PARP10: variants seen among roughly 807,000 people sequenced by gnomAD.
The protein encoded by PARP10 is protein mono-ADP-ribosyltransferase PARP10.
PARP10 carries 56 observed loss-of-function variants against 82.4 expected under a neutral mutation model. The ratio of observed to expected loss-of-function variants is 0.68; its 90% CI spans 0.55 to 0.85. The LOEUF is 0.85. PARP10 is among the 40% of genes least tolerant of loss of function. The pLI, the probability that PARP10 is intolerant of heterozygous loss-of-function variation, is 0.00. For missense variants in PARP10, 1,227 were observed against 1,379.4 expected (o/e 0.89, Z 1.75); for synonymous variants, 576 against 601.1 (o/e 0.96, Z 0.61).
intron 1 of PARP10, among the ~76,000 whole-genome samples, chr8:144,007,921 A>C (rs1554752185): frequency 6.6e-6 from 1 of 152,184 alleles, no homozygotes; most frequent in African/African-American, 2.4e-5. Context: ...CTGTCACGAC[A>C]GTGCCTGGTA....
At chr8:143,991,659 G>A, upstream of PARP10, 4 of 1,592,478 alleles carry the variant, frequency 2.5e-6, no homozygotes, top group Non-Finnish European at 3.4e-6. Flanking sequence ...AGGTGCTTGT[G>A]AGTGGCGCTG....
At chr8:143,986,739 G>A (rs1024504798), upstream of PARP10, 18 of 379,162 alleles carry the variant, frequency 4.7e-5, no homozygotes, top group African/African-American at 6.1e-5. Flanking sequence ...CCAATCACCC[G>A]CCCCACTAAA....
At position 143,984,374 on chromosome 8, in the gene PARP10, C is replaced by T; in HGVS notation, c.1516G>A (p.Gly506Ser). Residue 506 changes from glycine (G) to serine (S), a missense_variant, in exon 6 of 11, where the codon GGC becomes AGC. Coordinates refer to ENST00000313028, the MANE Select transcript of PARP10 (RefSeq NM_032789.5). ...CACAACACATGGCAGCTAATGCTGC[C>T]CAGCAGGCTCCGCAGAAACTCCTCA... The part of the protein sequence containing the change: ...AAEEFLRSLL[G>S]SISCHVLCLE... 2 of 1,613,084 alleles carry T rather than the reference C, an allele frequency of 1.2e-6. No homozygotes were observed. The highest frequency in any genetic ancestry group is 8.5e-7 in the Non-Finnish European group (1 of 1,179,806).
chr8:143,988,082 C>T (rs1276799123), upstream of PARP10, among the ~76,000 whole-genome samples: 3 of 149,560 alleles, frequency 2.0e-5, no homozygotes, highest in Non-Finnish European at 4.4e-5. Flanking sequence ...GCCCTTCCCT[C>T]TGCTTGGCCC....
chr8:143,989,272 G>C (rs1337522035), upstream of PARP10, among the ~76,000 whole-genome samples: 2 of 152,232 alleles, frequency 1.3e-5, no homozygotes, highest in African/African-American at 4.8e-5. The surrounding 1 kb of genome is among the most constrained non-coding windows in gnomAD (Gnocchi z 4.3). Context: ...GAGCTAAGCA[G>C]GGAGGTGGCC....
upstream of PARP10, chr8:143,992,838 G>A: frequency 1.2e-6 from 2 of 1,612,842 alleles, no homozygotes; most frequent in Non-Finnish European, 8.5e-7. Context: ...GCGCCAAGGA[G>A]TAGCCGAGCT....
upstream of PARP10, among the ~76,000 whole-genome samples, chr8:143,994,572 G>C (rs1417784161): frequency 6.6e-6 from 1 of 152,170 alleles, no homozygotes; most frequent in African/African-American, 2.4e-5. Flanking sequence ...TTGCCTCTCA[G>C]CCGGGGGCCC....
chr8:143,991,357 C>T (rs1405546006), upstream of PARP10: 13 of 1,291,228 alleles, frequency 1.0e-5, no homozygotes, highest in Non-Finnish European at 1.4e-5. Flanking sequence ...TACCCACAGC[C>T]CCCTTTCCAG....
upstream of PARP10, chr8:143,992,659 T>C: frequency 6.2e-7 from 1 of 1,613,940 alleles, no homozygotes; most frequent in Non-Finnish European, 8.5e-7. Context: ...CAGGCAGGCT[T>C]GTCCCTCAAC....
In PARP10 at chr8:143,983,266, C is replaced by A; in HGVS notation, c.2323G>T (p.Gly775Trp). 1 of 1,612,846 alleles carries A rather than the reference C, an allele frequency of 6.2e-7. No individual in the cohort carries two copies. The highest frequency in any genetic ancestry group is 1.7e-5 in the Admixed American group (1 of 59,950). Residue 775 changes from glycine to tryptophan, a missense_variant, in exon 8 of 11, where the codon GGG (glycine) becomes TGG (tryptophan). Transcript: ENST00000313028. The stretch of plus-strand genomic sequence containing the variant: ...CGGGCAGCACGGGCAGGGTGGGCCC[C>A]GAAGCCACGGAGGATGGTGCAGTCA... ...RGDCTILRGF[G>W]AHPARAARHL...
upstream of PARP10, chr8:143,992,809 A>G: frequency 6.2e-7 from 1 of 1,613,798 alleles, no homozygotes; most frequent in Non-Finnish European, 8.5e-7. Context: ...CTTCCTGTAC[A>G]TCCTCACCAT....
upstream of PARP10, among the ~76,000 whole-genome samples, chr8:143,995,509 C>T (rs782160862): frequency 1.3e-5 from 2 of 152,162 alleles, no homozygotes; most frequent in African/African-American, 2.4e-5. Flanking sequence ...GCAGATGAAT[C>T]GGCACGGGGT....
intron 1 of PARP10, among the ~76,000 whole-genome samples, chr8:144,001,683 G>C (rs1489538174): frequency 6.6e-6 from 1 of 151,904 alleles, no homozygotes; most frequent in African/African-American, 2.4e-5. Context: ...ACCAGCCTGG[G>C]CAACAAGAGC....
upstream of PARP10, among the ~76,000 whole-genome samples, chr8:143,994,241 C>T (rs372224577): frequency 3.9e-5 from 6 of 152,324 alleles, no homozygotes; most frequent in Admixed American, 1.3e-4. Context: ...CTGATGTCCG[C>T]GGGCACCGCA....
At chr8:143,983,955 G>A (rs1833925259) in intron 7 of PARP10, 53 bp downstream of exon 7, 4 of 1,472,434 alleles carry the variant, frequency 2.7e-6, no homozygotes, top group Admixed American at 4.8e-5. Flanking sequence ...AGGGCAGGGG[G>A]TGAGGTCAAG....
Position 143,982,990 on chromosome 8 carries a change from A to T in PARP10, c.2498T>A (p.Val833Glu). The T allele has an allele frequency of 6.2e-7, 1 of 1,613,722 alleles. No homozygotes were observed. The highest frequency in any genetic ancestry group is 8.5e-7 in the Non-Finnish European group (1 of 1,179,984). Residue 833 changes from valine to glutamate, a missense_variant, in exon 9 of 11, where the codon GTG (valine) becomes GAG (glutamate). Coordinates refer to ENST00000313028, the MANE Select transcript of PARP10 (RefSeq NM_032789.5). ...LAENTGEFQEVVRAFYDTLDA... is the reference protein window; with the variant it reads ...LAENTGEFQEEVRAFYDTLDA... ...CAGGGTGTCGTAGAAGGCCCGCACC[A>T]CCTCCTGGAACTCCCCGGTGTTCTC...
upstream of PARP10, chr8:143,991,916 G>C (rs146399598): frequency 8.7e-6 from 14 of 1,613,272 alleles, no homozygotes; most frequent in African/African-American, 1.9e-4. Flanking sequence ...CGGTGACCCT[G>C]TCCACGGTGT....
chr8:143,992,157 G>A (rs781865845), upstream of PARP10: 2 of 1,602,628 alleles, frequency 1.2e-6, no homozygotes, highest in Admixed American at 1.7e-5. Context: ...CCTGGTCACC[G>A]TGGTTCTCCT....
rs782809943 is a variant in PARP10 at position 143,985,768 on chromosome 8, C to T, written c.389G>A (p.Arg130Gln). The change falls in exon 3 of 11, where the codon CGG (arginine) becomes CAG (glutamine). Residue 130 changes from arginine to glutamine, a missense_variant. By Grantham distance (43) the Arg-to-Gln change is conservative. Transcript: ENST00000313028. The stretch of plus-strand genomic sequence containing the variant: ...CAACTGGACCAGAGCCCGGTCTGGC[C>T]GGGGGCTGGCCAAGGCACAGCAAGG... ...VQPCCALASP[R>Q]PDRALVQLPK... The T allele has an allele frequency of 2.2e-5, 36 of 1,610,960 alleles. No homozygotes were observed. The highest frequency in any genetic ancestry group is 1.8e-4 in the East Asian group (8 of 44,836).
Sources: gnomAD v4.1 joint callset for allele counts (sites outside exome capture counted in the v4.1 genomes callset) on GRCh38, gnomAD v4.1.1 for gene constraint, Gnocchi (gnomAD v3.1) non-coding constraint, MANE v1.5 for transcripts, NCBI Gene and HGNC (gene_info 2026-07-23, HGNC 2026-07-21) for gene names.